ERCC6: variants seen among roughly 807,000 people sequenced by gnomAD.
ERCC6 encodes ERCC excision repair 6, chromatin remodeling factor, also known as DNA excision repair protein ERCC-6.
ERCC6 carries 116 observed loss-of-function variants against 158.7 expected under a neutral mutation model. The observed-to-expected ratio is 0.73, with a 90% CI of 0.63 to 0.85. The LOEUF is 0.85. ERCC6 is among the 40% of genes least tolerant of loss of function. ERCC6 has a pLI of 0.00. For missense variants in ERCC6, 1,698 were observed against 1,799.4 expected, an observed-to-expected ratio of 0.94 and a Z score of 1.02; for synonymous variants, 678 against 659.3, an observed-to-expected ratio of 1.03 and a Z score of -0.43.
downstream of ERCC6, among the ~76,000 whole-genome samples, chr10:49,450,229 A>C (rs982376821): frequency 1.3e-5 from 2 of 152,180 alleles, no homozygotes; most frequent in African/African-American, 4.8e-5. Flanking sequence ...GTGACTATCC[A>C]CTTGTCCCAG....
intron 5 of ERCC6, among the ~76,000 whole-genome samples, chr10:49,511,978 A>G (rs947521489): frequency 3.3e-5 from 5 of 152,240 alleles, no homozygotes; most frequent in African/African-American, 1.2e-4. Context: ...GGACTAAATG[A>G]AATTATGTAT....
At chr10:49,518,468 C>T (rs933521455) in intron 5 of ERCC6, among the ~76,000 whole-genome samples, 1 of 152,170 alleles carries the variant, frequency 6.6e-6, no homozygotes, top group Non-Finnish European at 1.5e-5. Flanking sequence ...AAGGATTAAA[C>T]GAATTAACCT....
chr10:49,526,146 T>TAA (rs1837332856), intron 4 of ERCC6, among the ~76,000 whole-genome samples: 2 of 54,704 alleles, frequency 3.7e-5, no homozygotes, highest in Non-Finnish European at 8.4e-5. Flanking sequence ...TATATATATA[T>TAA]ATATATATAT....
Position 49,482,346 on chromosome 10 carries a change from T to C in ERCC6, c.2169+341A>G, listed in dbSNP as rs546117443. On this transcript the variant is annotated intron_variant, in intron 10 of 20. Transcript: ENST00000355832. ...AAATTACATGCTGTTCCAAACTGATTTGTCCTTGTTTCATAATTTCTAACT... is the reference window on the plus strand; with the variant it reads ...AAATTACATGCTGTTCCAAACTGATCTGTCCTTGTTTCATAATTTCTAACT... Among the ~76,000 whole-genome samples the C allele has an allele frequency of 5.9e-5, 9 of 152,298 alleles. No homozygotes were observed. In the South Asian group the frequency reaches 1.7e-3, roughly 28 times the overall value.
chr10:49,494,536 T>C (rs545987811), intron 7 of ERCC6, among the ~76,000 whole-genome samples: 1 of 152,298 alleles, frequency 6.6e-6, no homozygotes, highest in African/African-American at 2.4e-5. Flanking sequence ...CCCTTTTTCC[T>C]GAAGAATCAG....
intron 3 of ERCC6, among the ~76,000 whole-genome samples, chr10:49,530,002 G>T (rs143710725): frequency 2.0e-3 from 308 of 152,166 alleles, no homozygotes; most frequent in Middle Eastern, 0.01. Flanking sequence ...ACCCAAGGTG[G>T]GAGGAAGGGC....
At chr10:49,537,548 G>T (rs1037959606) in intron 1 of ERCC6, among the ~76,000 whole-genome samples, 1 of 150,542 alleles carries the variant, frequency 6.6e-6, no homozygotes, top group Non-Finnish European at 1.5e-5. Context: ...TATAATTGTG[G>T]TGACTGCTGT....
chr10:49,474,320 C>T, intron 12 of ERCC6, 78 bp from the exon 13 acceptor site: 1 of 1,127,072 alleles, frequency 8.9e-7, no homozygotes, highest in Non-Finnish European at 1.3e-6. Context: ...GGCTGTTTAA[C>T]CTATAACACA....
At chr10:49,528,578 A>T in intron 3 of ERCC6, 53 bp from the exon 4 acceptor site, 1 of 1,597,152 alleles carries the variant, frequency 6.3e-7, no homozygotes, top group South Asian at 1.1e-5. Context: ...ATTTATTGTT[A>T]AATACAAAAG....
At chr10:49,516,989 TGATTCCTCATCAGAAACAG>T (rs1264827804) in intron 5 of ERCC6, 1 of 1,613,940 alleles carries the variant, frequency 6.2e-7, no homozygotes, top group Non-Finnish European at 8.5e-7. Flanking sequence ...CTTCATCTCC[TGATTCCTCATCAGAAACAG>T]GTGCTGTAGC....
downstream of ERCC6, among the ~76,000 whole-genome samples, chr10:49,452,117 T>C (rs535906024): frequency 3.2e-4 from 49 of 152,118 alleles, 1 homozygote; most frequent in East Asian, 7.0e-3. Flanking sequence ...ATTTCTACTC[T>C]AATTTTATTA....
chr10:49,528,311 G>GT (rs1205321597), intron 4 of ERCC6, 106 bp downstream of exon 4: 1 of 1,349,312 alleles, frequency 7.4e-7, no homozygotes, highest in Non-Finnish European at 1.1e-6. Context: ...GCAAAGAAAC[G>GT]TATTTTTCTC....
chr10:49,453,193 C>A (rs1036560130), downstream of ERCC6, among the ~76,000 whole-genome samples: 9 of 151,978 alleles, frequency 5.9e-5, no homozygotes, highest in African/African-American at 1.9e-4. Context: ...AACTATATTT[C>A]TGGAGTTATT....
rs746243560 is a variant in ERCC6, at chr10:49,532,817, C to T, written c.148G>A (p.Val50Met). ...EVEEYLSFRS[V>M]GDGLSTSAVG... ...GCAGAGGTGGACAGCCCGTCACCCA[C>T]AGAACGAAAGGAGAGGTACTCCTCC... Residue 50 changes from valine to methionine, a missense_variant, in exon 2 of 21, where the codon GTG becomes ATG. Val to Met is a conservative substitution (Grantham distance 21). Transcript: ENST00000355832. The T allele has an allele frequency of 8.1e-6, 13 of 1,614,202 alleles. No homozygotes were observed. In the Admixed American group the frequency reaches 2.0e-4, roughly 25 times the overall value.
chr10:49,481,528 G>A (rs1389676926), intron 10 of ERCC6, among the ~76,000 whole-genome samples: 1 of 152,022 alleles, frequency 6.6e-6, no homozygotes, highest in Non-Finnish European at 1.5e-5. Context: ...CCTTTTGGTG[G>A]AAGGTCTCAT....
chr10:49,507,637 G>A lies in ERCC6; in HGVS notation c.1398-1625C>T, dbSNP rs140853588. ...TTAAATGCAATGGTGTACAACAATC[G>A]TTCTTGACAGGGGGCAATTCTGTCC... On this transcript the variant is annotated intron_variant, in intron 5 of 20. Transcript: ENST00000355832. 1.8e-3 allele frequency among the ~76,000 whole-genome samples: 275 copies of A among 152,206 alleles called. 1 individual carries two copies. The highest frequency in any genetic ancestry group is 5.7e-3 in the African/African-American group (236 of 41,554).
At chr10:49,452,858 T>C (rs937650123), downstream of ERCC6, among the ~76,000 whole-genome samples, 2 of 152,186 alleles carry the variant, frequency 1.3e-5, no homozygotes, top group Admixed American at 1.3e-4. Flanking sequence ...TAAAGTCTAC[T>C]TTGTCTGACA....
In ERCC6 at chr10:49,473,904, T is replaced by C; in HGVS notation, c.2598+123A>G. The C allele has an allele frequency of 5.4e-6, 5 of 918,846 alleles. No homozygotes were observed. In the South Asian group the frequency reaches 6.9e-5, roughly 13 times the overall value. The allele number at this position is 918,846 out of a possible 1,614,324, so 56.9% of individuals were successfully genotyped here. A position where few individuals can be genotyped will look rare whatever the true frequency, so the allele number is the denominator to read the frequency against. On this transcript the variant is annotated intron_variant, in intron 13 of 20. Coordinates refer to ENST00000355832, the MANE Select transcript of ERCC6 (RefSeq NM_000124.4). ...TAAACTCCCAAAGAAATCGGTAGAC[T>C]GCCACCTCAGCATCAGTGGTAGACT...
intron 6 of ERCC6, chr10:49,502,665 G>A (rs957280465): frequency 4.6e-5 from 7 of 152,192 alleles, no homozygotes; most frequent in Admixed American, 1.3e-4. Context: ...TTCTGGAAAT[G>A]ATCTAGACCA....
Sources: gnomAD v4.1 joint callset for allele counts (sites outside exome capture counted in the v4.1 genomes callset) on GRCh38, gnomAD v4.1.1 for gene constraint, MANE v1.5 for transcripts, NCBI Gene and HGNC (gene_info 2026-07-23, HGNC 2026-07-21) for gene names.